The following PRAG1 variants were observed in gnomAD, a reference collection of about 807,000 sequenced individuals.
PRAG1 encodes PEAK1 related, kinase-activating pseudokinase 1.
In PRAG1, 110 loss-of-function variants were observed where a neutral mutation model predicts 95.6. The observed-to-expected ratio is 1.15, with a 90% CI of 0.99 to 1.35. The LOEUF is 1.35. PRAG1 is among the 40% of genes most tolerant of loss of function. The probability of loss-of-function intolerance (pLI) is 0.00; values close to 1 mark genes in which losing one functional copy is unlikely to be tolerated. For missense variants in PRAG1, 2,554 were observed against 1,864.7 expected, an observed-to-expected ratio of 1.37 and a Z score of -6.81; for synonymous variants, 1,052 against 819.4, an observed-to-expected ratio of 1.28 and a Z score of -4.85.
At chr8:8,371,843 C>T (rs919771282) in intron 3 of PRAG1, among the ~76,000 whole-genome samples, 7 of 152,222 alleles carry the variant, frequency 4.6e-5, no homozygotes, top group Admixed American at 2.6e-4. Flanking sequence ...CCAGCCTGGG[C>T]GGCAGAGTGA....
chr8:8,325,018 G>T (rs779256071), intron 5 of PRAG1, among the ~76,000 whole-genome samples: 1 of 152,194 alleles, frequency 6.6e-6, no homozygotes, highest in African/African-American at 2.4e-5. Context: ...CTCCGCGACC[G>T]CAAACGAGGC....
chr8:8,335,588 T>G (rs1246834333), intron 4 of PRAG1, among the ~76,000 whole-genome samples: 1 of 152,236 alleles, frequency 6.6e-6, no homozygotes, highest in African/African-American at 2.4e-5. Context: ...TAATATATTA[T>G]TTAAAATTCA....
chr8:8,353,964 G>A (rs1438873939), intron 3 of PRAG1, among the ~76,000 whole-genome samples: 2 of 150,948 alleles, frequency 1.3e-5, no homozygotes, highest in African/African-American at 4.9e-5. Context: ...GAACAGAAAA[G>A]CCACATAAGG....
At chr8:8,379,966 C>T (rs1404737829) in intron 2 of PRAG1, among the ~76,000 whole-genome samples, 1 of 152,158 alleles carries the variant, frequency 6.6e-6, no homozygotes, top group African/African-American at 2.4e-5. Flanking sequence ...TGGGGCCAGG[C>T]ATGGTGGCTT....
At chr8:8,364,177 C>T (rs1799934410) in intron 3 of PRAG1, among the ~76,000 whole-genome samples, 1 of 152,132 alleles carries the variant, frequency 6.6e-6, no homozygotes, top group Non-Finnish European at 1.5e-5. Flanking sequence ...TGTATTTTTG[C>T]TGAAATTTGG....
intron 3 of PRAG1, among the ~76,000 whole-genome samples, chr8:8,357,008 T>C (rs1799703449): frequency 6.6e-6 from 1 of 152,206 alleles, no homozygotes; most frequent in South Asian, 2.1e-4. Context: ...GACCCTTGCC[T>C]AATATTGTAT....
At chr8:8,378,447 A>G (rs1277747488) in intron 2 of PRAG1, among the ~76,000 whole-genome samples, 1 of 152,176 alleles carries the variant, frequency 6.6e-6, no homozygotes. Flanking sequence ...GTTCCACTGG[A>G]TTGGAAAATG....
At chr8:8,360,960 C>G (rs368048042) in intron 3 of PRAG1, among the ~76,000 whole-genome samples, 6 of 152,310 alleles carry the variant, frequency 3.9e-5, no homozygotes, top group African/African-American at 1.4e-4. Flanking sequence ...CCCAAATTGC[C>G]ATAGCGGCTC....
intron 3 of PRAG1, among the ~76,000 whole-genome samples, chr8:8,365,207 G>C (rs1332952941): frequency 6.6e-6 from 1 of 152,098 alleles, no homozygotes; most frequent in Non-Finnish European, 1.5e-5. Context: ...CAATAGTTTT[G>C]TTTTCATCTT....
At chr8:8,371,820 G>T (rs1585270514) in intron 3 of PRAG1, among the ~76,000 whole-genome samples, 1 of 152,126 alleles carries the variant, frequency 6.6e-6, no homozygotes, top group Non-Finnish European at 1.5e-5. Context: ...CAGTGAGATG[G>T]CACCACTGCA....
At chr8:8,345,198 G>C (rs944236794) in intron 3 of PRAG1, among the ~76,000 whole-genome samples, 5 of 151,462 alleles carry the variant, frequency 3.3e-5, no homozygotes, top group African/African-American at 1.2e-4. Flanking sequence ...TTCTTTATTG[G>C]AAAAGCTTGA....
intron 1 of PRAG1, among the ~76,000 whole-genome samples, chr8:8,383,250 C>T (rs535437327): frequency 6.6e-6 from 1 of 152,222 alleles, no homozygotes; most frequent in South Asian, 2.1e-4. Flanking sequence ...GCTGAAGCTA[C>T]GTGTGCCTCT....
intron 5 of PRAG1, among the ~76,000 whole-genome samples, chr8:8,319,833 T>C (rs1292225695): frequency 6.6e-6 from 1 of 152,176 alleles, no homozygotes; most frequent in Non-Finnish European, 1.5e-5. Flanking sequence ...GCCACAAGCA[T>C]GTGAAAAGAT....
At position 8,328,323 on chromosome 8, in the gene PRAG1, A is replaced by G. The variant is rs759862258; in HGVS notation, c.2459T>C (p.Ile820Thr). 17 of 1,613,122 alleles carry G rather than the reference A, an allele frequency of 1.1e-5. No homozygotes were observed. The highest frequency in any genetic ancestry group is 2.2e-5 in the South Asian group (2 of 91,056). The change falls in exon 5 of 6, where the codon ATA becomes ACA. Residue 820 changes from isoleucine to threonine, a missense_variant. Physicochemically the swap from Ile to Thr is moderately conservative, Grantham distance 89. Coordinates refer to ENST00000615670, the MANE Select transcript of PRAG1 (RefSeq NM_001080826.3). ...QQPPPLPQKK[I>T]VSRAASSPDG... ...CGGTGAAGAGGCTGCCCGGCTCACT[A>G]TCTTTTTCTGGGGGAGTGGAGGGGG...
rs200629467 is a variant in PRAG1, at chr8:8,377,582, C to A, written c.827G>T (p.Arg276Leu). The A allele has an allele frequency of 6.2e-7, 1 of 1,611,720 alleles. No homozygotes were observed. The highest frequency in any genetic ancestry group is 8.5e-7 in the Non-Finnish European group (1 of 1,179,256). The change falls in exon 3 of 6, where the codon CGG becomes CTG. Residue 276 changes from arginine to leucine, a missense_variant. Transcript: ENST00000615670. ...AKAASQTAGSRGRHGGRDCSP... is the reference protein window; with the variant it reads ...AKAASQTAGSLGRHGGRDCSP... ...GCAGTCCCTGCCACCATGCCTGCCCCGGGAACCTGCAGTCTGGGAGGCAGC... is the reference window on the plus strand; with the variant it reads ...GCAGTCCCTGCCACCATGCCTGCCCAGGGAACCTGCAGTCTGGGAGGCAGC...
intron 2 of PRAG1, among the ~76,000 whole-genome samples, chr8:8,379,704 C>G (rs1486339205): frequency 2.0e-5 from 3 of 152,160 alleles, no homozygotes; most frequent in Non-Finnish European, 4.4e-5. Flanking sequence ...CAAGCAGTTC[C>G]TAGGATATGT....
At chr8:8,369,924 C>T (rs1585268071) in intron 3 of PRAG1, among the ~76,000 whole-genome samples, 1 of 152,070 alleles carries the variant, frequency 6.6e-6, no homozygotes. Context: ...TCATATTGCA[C>T]GCCTGCTGAT....
At chr8:8,370,867 G>T (rs1010761900) in intron 3 of PRAG1, among the ~76,000 whole-genome samples, 1 of 152,172 alleles carries the variant, frequency 6.6e-6, no homozygotes, top group African/African-American at 2.4e-5. Context: ...GTGAGCAAAA[G>T]ACCGGGGGCT....
At chr8:8,383,647 TAAAAG>T (rs1800757153) in intron 1 of PRAG1, among the ~76,000 whole-genome samples, 1 of 152,126 alleles carries the variant, frequency 6.6e-6, no homozygotes, top group African/African-American at 2.4e-5. Context: ...TCCTCTGAAA[TAAAAG>T]AAAAGTATCT....
Sources: gnomAD v4.1 joint callset for allele counts (sites outside exome capture counted in the v4.1 genomes callset) on GRCh38, gnomAD v4.1.1 for gene constraint, MANE v1.5 for transcripts, NCBI Gene and HGNC (gene_info 2026-07-23, HGNC 2026-07-21) for gene names.